The following ANKS1B variants were observed in gnomAD, a reference collection of about 807,000 sequenced individuals.
ANKS1B encodes the protein ankyrin repeat and sterile alpha motif domain-containing protein 1B.
A neutral mutation model predicts 148.3 loss-of-function variants in ANKS1B; 36 were observed. The ratio of observed to expected loss-of-function variants is 0.24; its 90% CI spans 0.19 to 0.32. ANKS1B has a LOEUF of 0.32. Ranked by LOEUF, ANKS1B falls within the 10% of genes least tolerant of loss-of-function variation. ANKS1B has a pLI of 1.00. For synonymous variants in ANKS1B, 542 were observed against 560.8 expected, an observed-to-expected ratio of 0.97 and a Z score of 0.47; for missense variants, 1,157 against 1,542.6, an observed-to-expected ratio of 0.75 and a Z score of 4.19.
intron 9 of ANKS1B, among the ~76,000 whole-genome samples, chr12:99,550,687 G>C (rs1002003812): frequency 3.3e-5 from 5 of 151,688 alleles, no homozygotes; most frequent in African/African-American, 1.2e-4. Context: ...AATCACCACA[G>C]TTATTTATTT....
chr12:99,507,945 C>T (rs1475906237), intron 9 of ANKS1B, among the ~76,000 whole-genome samples: 1 of 151,860 alleles, frequency 6.6e-6, no homozygotes. Context: ...ACCCTTTTTC[C>T]TCCTCTACCA....
At chr12:99,688,713 C>T (rs2098663150) in intron 8 of ANKS1B, among the ~76,000 whole-genome samples, 1 of 151,924 alleles carries the variant, frequency 6.6e-6, no homozygotes, top group Admixed American at 6.6e-5. Flanking sequence ...CACCTGTAGT[C>T]CAAACTACTT....
chr12:99,573,956 A>G (rs1445723953), intron 9 of ANKS1B, among the ~76,000 whole-genome samples: 2 of 152,004 alleles, frequency 1.3e-5, no homozygotes, highest in East Asian at 3.9e-4. Context: ...GCTACTTGTA[A>G]GAGATATTCC....
At chr12:99,784,828 C>A (rs1440162442) in intron 4 of ANKS1B, among the ~76,000 whole-genome samples, 1 of 152,114 alleles carries the variant, frequency 6.6e-6, no homozygotes, top group Non-Finnish European at 1.5e-5. Context: ...TAAAGACATC[C>A]CTGACCCCTG....
chr12:98,768,080 G>C (rs1261282281), intron 25 of ANKS1B, among the ~76,000 whole-genome samples: 3 of 152,166 alleles, frequency 2.0e-5, no homozygotes, highest in Non-Finnish European at 4.4e-5. Context: ...CTGCCCAGAA[G>C]GTGGAGTTTG....
intron 20 of ANKS1B, among the ~76,000 whole-genome samples, chr12:98,803,859 C>T (rs2099027239): frequency 6.6e-6 from 1 of 152,206 alleles, no homozygotes; most frequent in African/African-American, 2.4e-5. Flanking sequence ...GAGTTCCATA[C>T]ATTTAAAGCC....
At chr12:98,735,240 T>C in exon 10 of ANKS1B, 1 of 398,970 alleles carries the variant, frequency 2.5e-6, no homozygotes. Flanking sequence ...TCCCTTGCTG[T>C]ATTTTTTTGT....
intron 17 of ANKS1B, among the ~76,000 whole-genome samples, chr12:98,841,055 TAG>T (rs1362080079): frequency 3.3e-5 from 5 of 152,156 alleles, no homozygotes; most frequent in Non-Finnish European, 5.9e-5. Context: ...TCTTAAGAAG[TAG>T]AGAGACTGCT....
chr12:99,853,805 C>A (rs1411927505), intron 1 of ANKS1B, among the ~76,000 whole-genome samples: 4 of 151,504 alleles, frequency 2.6e-5, no homozygotes, highest in Non-Finnish European at 4.4e-5. Context: ...TGATGTCCAA[C>A]TAAAAGAAAT....
At chr12:99,777,252 C>T (rs2063745684) in intron 6 of ANKS1B, among the ~76,000 whole-genome samples, 1 of 152,144 alleles carries the variant, frequency 6.6e-6, no homozygotes, top group Admixed American at 6.5e-5. Flanking sequence ...TGTCCTCATA[C>T]CATTCAAATA....
At chr12:99,666,636 T>C (rs145121150) in intron 8 of ANKS1B, among the ~76,000 whole-genome samples, 8 of 152,266 alleles carry the variant, frequency 5.3e-5, no homozygotes, top group Non-Finnish European at 1.2e-4. Context: ...TCTTGTTAAA[T>C]ATGAAGGGGT....
intron 10 of ANKS1B, among the ~76,000 whole-genome samples, chr12:99,479,275 AGAATTAAGTT>A (rs2096373233): frequency 2.0e-5 from 3 of 152,110 alleles, no homozygotes; most frequent in Non-Finnish European, 4.4e-5. Flanking sequence ...TACTTTTAAA[AGAATTAAGTT>A]GACTTTGAAA....
intron 1 of ANKS1B, among the ~76,000 whole-genome samples, chr12:99,924,116 C>T (rs563672108): frequency 6.6e-6 from 1 of 152,184 alleles, no homozygotes; most frequent in Non-Finnish European, 1.5e-5. Context: ...GACATAGTAC[C>T]TAACACAAGC....
intron 8 of ANKS1B, among the ~76,000 whole-genome samples, chr12:99,677,817 C>T (rs967083513): frequency 6.6e-6 from 1 of 151,874 alleles, no homozygotes; most frequent in Non-Finnish European, 1.5e-5. Flanking sequence ...ACTAAAAATA[C>T]AAAAAATTAG....
intron 25 of ANKS1B, among the ~76,000 whole-genome samples, chr12:98,752,198 G>A (rs552119183): frequency 6.6e-6 from 1 of 152,056 alleles, no homozygotes; most frequent in Non-Finnish European, 1.5e-5. Context: ...GCCAAGCTGT[G>A]CCCTGACCAC....
At chr12:98,795,333 G>A (rs1274087706) in intron 22 of ANKS1B, among the ~76,000 whole-genome samples, 3 of 152,186 alleles carry the variant, frequency 2.0e-5, no homozygotes, top group Non-Finnish European at 2.9e-5. Context: ...TAATGACATT[G>A]TTTGATGAAG....
chr12:99,907,870 T>C (rs1442282305), intron 1 of ANKS1B, among the ~76,000 whole-genome samples: 3 of 148,750 alleles, frequency 2.0e-5, no homozygotes, highest in African/African-American at 7.4e-5. Flanking sequence ...GATACAAACC[T>C]TGTTAATAGG....
intron 22 of ANKS1B, among the ~76,000 whole-genome samples, chr12:98,793,036 G>A (rs566239164): frequency 9.9e-5 from 15 of 152,182 alleles, no homozygotes; most frequent in African/African-American, 2.4e-4. Context: ...TTGAGAAGCC[G>A]CCATACTGTT....
intron 4 of ANKS1B, among the ~76,000 whole-genome samples, chr12:99,805,284 A>AAAAAAAAAAAAAAAC (rs2067487327): frequency 2.0e-5 from 3 of 149,062 alleles, no homozygotes; most frequent in East Asian, 2.0e-4. Context: ...AAAAAAAAAA[A>AAAAAAAAAAAAAAAC]AAAAGACTAA....
Sources: gnomAD v4.1 joint callset for allele counts (sites outside exome capture counted in the v4.1 genomes callset) on GRCh38, gnomAD v4.1.1 for gene constraint, MANE v1.5 for transcripts, NCBI Gene and HGNC (gene_info 2026-07-23, HGNC 2026-07-21) for gene names.